The following MTFR1 variants were observed in gnomAD, a reference collection of about 807,000 sequenced individuals.
MTFR1 encodes the protein mitochondrial fission regulator 1, also known as chondrocyte protein with a poly-proline region.
In MTFR1, 28 loss-of-function variants were observed where a neutral mutation model predicts 38.8. That is an observed-to-expected ratio of 0.72 (90% CI 0.53 to 0.99). The LOEUF (loss-of-function observed/expected upper bound fraction) is 0.99. Ranked by LOEUF, MTFR1 falls within the 50% of genes least tolerant of loss-of-function variation. The probability of loss-of-function intolerance (pLI) is 0.00; values close to 1 mark genes in which losing one functional copy is unlikely to be tolerated. For missense variants in MTFR1, 358 were observed against 395.5 expected (o/e 0.91, Z 0.81); for synonymous variants, 145 against 137.0 (o/e 1.06, Z -0.41).
chr8:65,736,026 C>T (rs1369895639), intron 3 of MTFR1, among the ~76,000 whole-genome samples: 1 of 152,084 alleles, frequency 6.6e-6, no homozygotes, highest in African/African-American at 2.4e-5. Flanking sequence ...ACAGATAGTA[C>T]CAAACCCTAT....
In MTFR1 at chr8:65,709,113, A is replaced by T; in HGVS notation, c.*69A>T. The T allele has an allele frequency of 1.5e-6, 2 of 1,363,316 alleles. No homozygotes were observed. Among genetic ancestry groups the T allele is most frequent in the Admixed American group, 3.4e-5 (2 of 59,366 alleles). 84.5% of individuals were successfully genotyped at this position (1,363,316 alleles called of 1,614,324 possible). On this transcript the variant is annotated 3_prime_UTR_variant, in exon 8 of 8. Transcript: ENST00000262146. ...TGTGAGGGCCAAGTTTGCTAGTAGAAATCGACACTGTTTAGTAAATACCTC... is the reference window on the plus strand; with the variant it reads ...TGTGAGGGCCAAGTTTGCTAGTAGATATCGACACTGTTTAGTAAATACCTC...
intron 3 of MTFR1, among the ~76,000 whole-genome samples, chr8:65,726,612 G>T (rs528270706): frequency 6.6e-6 from 1 of 152,114 alleles, no homozygotes; most frequent in Non-Finnish European, 1.5e-5. Flanking sequence ...AACTATGGCT[G>T]AGCAATTGTG....
chr8:65,728,822 TAATG>T (rs1039449133), intron 3 of MTFR1, among the ~76,000 whole-genome samples: 1 of 152,206 alleles, frequency 6.6e-6, no homozygotes, highest in Non-Finnish European at 1.5e-5. Context: ...TTTAAAAAAT[TAATG>T]TATGACTGCA....
intron 3 of MTFR1, among the ~76,000 whole-genome samples, chr8:65,692,885 G>A (rs894736039): frequency 2.7e-5 from 4 of 147,998 alleles, no homozygotes; most frequent in African/African-American, 9.9e-5. Context: ...TTGGTCTTTT[G>A]CTTGTTCTTT....
At chr8:65,644,299 G>A (rs1808888326), upstream of MTFR1, among the ~76,000 whole-genome samples, 1 of 152,140 alleles carries the variant, frequency 6.6e-6, no homozygotes, top group Non-Finnish European at 1.5e-5. Flanking sequence ...GAAACATCTC[G>A]GATGTGAGGT....
downstream of MTFR1, among the ~76,000 whole-genome samples, chr8:65,774,300 T>G (rs1809194859): frequency 7.1e-6 from 1 of 141,584 alleles, no homozygotes; most frequent in African/African-American, 3.0e-5. Flanking sequence ...TTTTTTGTAC[T>G]GACATTTATA....
At chr8:65,715,293 TGA>T (rs1042889625), downstream of MTFR1, among the ~76,000 whole-genome samples, 1 of 151,950 alleles carries the variant, frequency 6.6e-6, no homozygotes, top group African/African-American at 2.4e-5. Context: ...CCCAGCACTT[TGA>T]GAGGCCACGG....
intron 3 of MTFR1, among the ~76,000 whole-genome samples, chr8:65,688,457 T>C (rs1289555086): frequency 1.3e-5 from 2 of 148,554 alleles, no homozygotes; most frequent in African/African-American, 2.5e-5. Flanking sequence ...TTTTCTTTTT[T>C]TTTTTTTTTG....
At chr8:65,703,090 GA>G (rs869185555) in intron 4 of MTFR1, among the ~76,000 whole-genome samples, 214 of 134,724 alleles carry the variant, frequency 1.6e-3, no homozygotes, top group African/African-American at 2.0e-3. Context: ...TAAGGTAATG[GA>G]AAAAAAAAAA....
In MTFR1 at chr8:65,747,878, A is replaced by G. The variant is rs935643010; in HGVS notation, c.*49-23069A>G. ...ATGCTATCTTTGCAATACCACTTTT[A>G]GTTATGTACAAGTATTTTTAAAAAT... On this transcript the variant is annotated intron_variant, in intron 3 of 3. Transcript: ENST00000521247. The G allele has an allele frequency of 4.9e-5, 39 of 800,234 alleles. No individual in the cohort carries two copies. The East Asian group carries it at 1.1e-3, about 22-fold the overall frequency. 49.6% of individuals were successfully genotyped at this position (800,234 alleles called of 1,614,324 possible). A position where few individuals can be genotyped will look rare whatever the true frequency, so the allele number is the denominator to read the frequency against.
At chr8:65,674,351 C>T (rs1487046590) in intron 2 of MTFR1, among the ~76,000 whole-genome samples, 1 of 150,720 alleles carries the variant, frequency 6.6e-6, no homozygotes, top group African/African-American at 2.4e-5. Context: ...GTGGTTCATG[C>T]CTGTAATCCC....
chr8:65,771,184 C>T (rs570130817), exon 4 of MTFR1: 3 of 174,226 alleles, frequency 1.7e-5, no homozygotes, highest in Non-Finnish European at 3.7e-5. Context: ...TATCAGCTGG[C>T]TCACAGGAGA....
At chr8:65,645,675 G>A (rs1222916281) in intron 1 of MTFR1, among the ~76,000 whole-genome samples, 1 of 129,932 alleles carries the variant, frequency 7.7e-6, no homozygotes, top group Non-Finnish European at 1.6e-5. Flanking sequence ...ACAGGCAGGC[G>A]CCATCACGCC....
At chr8:65,650,772 A>AATATACT (rs1809100529) in intron 1 of MTFR1, among the ~76,000 whole-genome samples, 3 of 152,202 alleles carry the variant, frequency 2.0e-5, no homozygotes, top group Non-Finnish European at 4.4e-5. Context: ...ATGGCACGGC[A>AATATACT]GATATTGCTT....
At chr8:65,747,752 A>T in intron 3 of MTFR1, 1 of 1,610,316 alleles carries the variant, frequency 6.2e-7, no homozygotes, top group African/African-American at 1.3e-5. Flanking sequence ...CTGGAAACTT[A>T]GTAGCCTTCT....
chr8:65,673,546 T>C (rs562404449), intron 2 of MTFR1, among the ~76,000 whole-genome samples: 2 of 151,420 alleles, frequency 1.3e-5, no homozygotes, highest in African/African-American at 4.8e-5. Context: ...ATGGCACATG[T>C]ATACCTATTT....
At chr8:65,722,029 G>C (rs957387332) in intron 3 of MTFR1, 1 of 152,106 alleles carries the variant, frequency 6.6e-6, no homozygotes, top group Admixed American at 6.6e-5. Context: ...GACCTCAAGC[G>C]ATCAGCCCGC....
In MTFR1 at chr8:65,682,340, C is replaced by T; in HGVS notation, c.67-13C>T. The T allele has an allele frequency of 6.8e-7, 1 of 1,463,738 alleles. No homozygotes were observed. The highest frequency in any genetic ancestry group is 9.3e-7 in the Non-Finnish European group (1 of 1,079,354). The allele number at this position is 1,463,738 out of a possible 1,614,324, so 90.7% of individuals were successfully genotyped here. On this transcript the variant is annotated splice_polypyrimidine_tract_variant and intron_variant, in intron 2 of 7. Coordinates refer to ENST00000262146, the MANE Select transcript of MTFR1 (RefSeq NM_014637.4). ...TCTTGTAATTAAGCTTTCGGTTTTTCCTACTTCCTCAGGTACTTTGGTCTA... is the reference window on the plus strand; with the variant it reads ...TCTTGTAATTAAGCTTTCGGTTTTTTCTACTTCCTCAGGTACTTTGGTCTA...
At chr8:65,759,934 A>AT (rs1022655626) in intron 3 of MTFR1, among the ~76,000 whole-genome samples, 1 of 151,936 alleles carries the variant, frequency 6.6e-6, no homozygotes, top group Non-Finnish European at 1.5e-5. Flanking sequence ...AGTTAATACT[A>AT]TTTTTTTCAC....
Sources: allele counts gnomAD v4.1 joint callset (sites outside exome capture counted in the v4.1 genomes callset), GRCh38; gene constraint gnomAD v4.1.1; transcripts MANE v1.5; gene names NCBI Gene and HGNC (gene_info 2026-07-23, HGNC 2026-07-21).